ATXN2: variants seen among roughly 807,000 people sequenced by gnomAD.
ATXN2 encodes ataxin 2.
A neutral mutation model predicts 138.6 loss-of-function variants in ATXN2; 37 were observed. The observed-to-expected ratio is 0.27, with a 90% CI of 0.21 to 0.35. The LOEUF is 0.35. ATXN2 is among the 10% of genes least tolerant of loss of function. The pLI is 1.00. For synonymous variants in ATXN2, 549 were observed against 543.7 expected (o/e 1.01, Z -0.13); for missense variants, 1,216 against 1,480.3 (o/e 0.82, Z 2.93).
chr12:111,453,499 C>A lies in ATXN2; in HGVS notation c.3439+178G>T. ...TCAGAACACACACAGACTCGGCTCC[C>A]GGAAGCCTCAGGCCCTGATGCTGAA... On this transcript the variant is annotated intron_variant, in intron 24 of 24. Coordinates refer to ENST00000673436, the MANE Select transcript of ATXN2 (RefSeq NM_001372574.1). The surrounding 1 kb of genome is among the most constrained non-coding windows in gnomAD (Gnocchi z 5.4). 1 of 1,338,308 alleles carries A rather than the reference C, an allele frequency of 7.5e-7. No individual in the cohort carries two copies. Among genetic ancestry groups the A allele is most frequent in the Non-Finnish European group, 9.5e-7 (1 of 1,048,062 alleles). 82.9% of individuals were successfully genotyped at this position (1,338,308 alleles called of 1,614,324 possible).
At chr12:111,455,167 C>T (rs762833319) in intron 23 of ATXN2, 43 of 701,562 alleles carry the variant, frequency 6.1e-5, no homozygotes, top group Admixed American at 2.4e-4. Context: ...CACTTAGACC[C>T]GCCTCAGAGA....
chr12:111,543,756 A>C lies in ATXN2; in HGVS notation c.571+8524T>G, dbSNP rs140712529. Reference sequence around the variant, plus strand: ...AGAATAGAGTACATGGCGTATATGAACTCCCTGAAGAAACTGTGAACACCA... The same window carrying C: ...AGAATAGAGTACATGGCGTATATGACCTCCCTGAAGAAACTGTGAACACCA... On this transcript the variant is annotated intron_variant, in intron 5 of 24. Coordinates refer to ENST00000673436, the MANE Select transcript of ATXN2 (RefSeq NM_001372574.1). 2.7e-4 allele frequency among the ~76,000 whole-genome samples: 41 copies of C among 152,168 alleles called. No homozygotes were observed. In the East Asian group the frequency reaches 6.6e-3, roughly 24 times the overall value.
intron 3 of ATXN2, among the ~76,000 whole-genome samples, 168 bp downstream of exon 3, chr12:111,553,990 A>T (rs1200506988): frequency 6.6e-6 from 1 of 152,094 alleles, no homozygotes; most frequent in African/African-American, 2.4e-5. Context: ...TTTACAATGA[A>T]TTATATTAGA....
rs1228029895 is a variant in ATXN2, at chr12:111,452,876, T to TGGC, written c.3440-39_3440-37dup. On this transcript the variant is annotated intron_variant, in intron 24 of 24. Coordinates refer to ENST00000673436, the MANE Select transcript of ATXN2 (RefSeq NM_001372574.1). Reference sequence around the variant, plus strand: ...AAAAGCGAACATTGAAACAGAAAACTGGCAACACCACACATCAGCCTAGTG... The same window carrying TGGC: ...AAAAGCGAACATTGAAACAGAAAACTGGCGGCAACACCACACATCAGCCTAGTG... 3 of 1,604,196 alleles carry TGGC rather than the reference T, an allele frequency of 1.9e-6. No individual in the cohort carries two copies. In the African/African-American group the frequency reaches 4.0e-5, roughly 22 times the overall value.
chr12:111,462,977 T>TATATACACAC (rs536560720), intron 21 of ATXN2, among the ~76,000 whole-genome samples: 1 of 147,854 alleles, frequency 6.8e-6, no homozygotes, highest in East Asian at 2.0e-4. Context: ...TATATATATA[T>TATATACACAC]ACACACACAC....
intron 5 of ATXN2, among the ~76,000 whole-genome samples, chr12:111,545,962 GAA>G (rs56313374): frequency 9.5e-5 from 9 of 94,834 alleles, no homozygotes; most frequent in East Asian, 7.4e-4. Flanking sequence ...AAGATCATCT[GAA>G]AAAAAAAAAA....
chr12:111,583,251 A>G (rs943201914), intron 1 of ATXN2, among the ~76,000 whole-genome samples: 2 of 151,854 alleles, frequency 1.3e-5, no homozygotes, highest in Admixed American at 1.3e-4. Flanking sequence ...TCAGCCTCCC[A>G]AAGTGCTGGG....
chr12:111,552,444 C>T lies in ATXN2; in HGVS notation c.421-14G>A, dbSNP rs374845848. On this transcript the variant is annotated splice_polypyrimidine_tract_variant and intron_variant, in intron 4 of 24. Transcript: ENST00000673436. This position sits in a 1 kb window ranked among gnomAD's most constrained non-coding sequence, Gnocchi z 4.1. ...TACCAAATCACACTAAAATGAAAAA[C>T]ACAAGTAAGTACTCCAAACCTTTAC... 12 of 1,603,274 alleles carry T rather than the reference C, an allele frequency of 7.5e-6. No individual in the cohort carries two copies. In the African/African-American group the frequency reaches 1.3e-4, roughly 18 times the overall value.
intron 1 of ATXN2, among the ~76,000 whole-genome samples, chr12:111,556,815 C>CAA (rs139710740): frequency 3.4e-5 from 2 of 58,504 alleles, no homozygotes; most frequent in Non-Finnish European, 6.9e-5. Context: ...GACTCTGTCT[C>CAA]AAAAAAAAAA....
chr12:111,563,397 TAGA>T (rs1476402441), intron 1 of ATXN2, among the ~76,000 whole-genome samples: 3 of 152,120 alleles, frequency 2.0e-5, no homozygotes, highest in Non-Finnish European at 4.4e-5. Flanking sequence ...TAAAGGACAT[TAGA>T]AGGTCTATAA....
Position 111,552,208 on chromosome 12 carries a change from A to T in ATXN2, c.571+72T>A. On this transcript the variant is annotated intron_variant, in intron 5 of 24. Transcript: ENST00000673436. This position sits in a 1 kb window ranked among gnomAD's most constrained non-coding sequence, Gnocchi z 4.1. Reference sequence around the variant, plus strand: ...GATATTTCTTTAAAAAAAGTTTGTAAGATCACTGTGAAAATCTTTGCTTGA... The same window carrying T: ...GATATTTCTTTAAAAAAAGTTTGTATGATCACTGTGAAAATCTTTGCTTGA... 1 of 1,459,472 alleles carries T rather than the reference A, an allele frequency of 6.9e-7. No individual in the cohort carries two copies. Among genetic ancestry groups the T allele is most frequent in the South Asian group, 1.4e-5 (1 of 71,730 alleles). The allele number at this position is 1,459,472 out of a possible 1,614,324, so 90.4% of individuals were successfully genotyped here.
chr12:111,557,233 C>A (rs982865982), intron 1 of ATXN2, among the ~76,000 whole-genome samples: 1 of 152,196 alleles, frequency 6.6e-6, no homozygotes, highest in African/African-American at 2.4e-5. Flanking sequence ...AGGAAAAGCA[C>A]AATTCAGATC....
Position 111,453,669 on chromosome 12 carries a change from C to T in ATXN2, c.3439+8G>A, listed in dbSNP as rs1448211582. 3.8e-6 allele frequency: 6 copies of T among 1,578,762 alleles called. No individual in the cohort carries two copies. The highest frequency in any genetic ancestry group is 2.3e-5 in the East Asian group (1 of 44,016). On this transcript the variant is annotated splice_region_variant and intron_variant, in intron 24 of 24. Transcript: ENST00000673436. This position sits in a 1 kb window ranked among gnomAD's most constrained non-coding sequence, Gnocchi z 5.4. ...TGCCCCGGCGGCCCCTGCACACACA[C>T]GCCTCACCTGAAGGGTGCGTCATAT...
chr12:111,577,711 A>G (rs1846335252), intron 1 of ATXN2, among the ~76,000 whole-genome samples: 1 of 152,126 alleles, frequency 6.6e-6, no homozygotes, highest in African/African-American at 2.4e-5. Context: ...TGGGCAGATC[A>G]CTTGAGGTCA....
intron 14 of ATXN2, 137 bp downstream of exon 14, chr12:111,509,411 CA>C: frequency 1.7e-6 from 1 of 588,150 alleles, no homozygotes; most frequent in South Asian, 1.9e-5. Flanking sequence ...AGGCAAAGAC[CA>C]CTTTAAAAAT....
intron 14 of ATXN2, among the ~76,000 whole-genome samples, chr12:111,491,096 C>CA (rs1366970385): frequency 6.6e-6 from 1 of 151,844 alleles, no homozygotes; most frequent in African/African-American, 2.4e-5. Context: ...TACTAAAAAA[C>CA]AAAAAAATTA....
At chr12:111,528,909 C>T (rs1472880708) in intron 5 of ATXN2, among the ~76,000 whole-genome samples, 4 of 152,182 alleles carry the variant, frequency 2.6e-5, no homozygotes, top group African/African-American at 9.7e-5. Context: ...ATCGTAAATT[C>T]TGATTTGTTT....
rs201805628 is a variant in ATXN2, at chr12:111,510,472, T to C, written c.1669A>G (p.Thr557Ala). The C allele has an allele frequency of 1.4e-5, 22 of 1,613,992 alleles. No homozygotes were observed. Among genetic ancestry groups the C allele is most frequent in the Middle Eastern group, 3.3e-4 (2 of 6,084 alleles). The stretch of plus-strand genomic sequence containing the variant: ...GGAATAGGCATGGCAACAGCTTCAG[T>C]TGGAATAATACCAGCTTGGGGAGAA... ...LASPQAGIIP[T>A]EAVAMPIPAA... The change falls in exon 12 of 25, where the codon ACT (threonine) becomes GCT (alanine). Residue 557 changes from threonine (T) to alanine (A), a missense_variant. Thr to Ala is a moderately conservative substitution (Grantham distance 58). This residue lies in a region of ATXN2 where 215 missense variants were observed against 210.0 expected (regional missense o/e 1.02). Transcript: ENST00000673436.
chr12:111,599,618 C>A, upstream of ATXN2: 1 of 1,076,574 alleles, frequency 9.3e-7, no homozygotes, highest in Non-Finnish European at 1.1e-6. Context: ...TGAGGTGGCC[C>A]CGGGGCCGGG....
Sources: gnomAD v4.1 joint callset for allele counts (sites outside exome capture counted in the v4.1 genomes callset) on GRCh38, gnomAD v4.1.1 for gene constraint, gnomAD v4.1.1 regional missense constraint, Gnocchi (gnomAD v3.1) non-coding constraint, MANE v1.5 for transcripts, NCBI Gene and HGNC (gene_info 2026-07-23, HGNC 2026-07-21) for gene names.